Variants in SNX29 observed in about 807,000 individuals in gnomAD.
SNX29 encodes the protein sorting nexin-29.
Under a neutral mutation model 102.1 loss-of-function variants are expected in SNX29, and 78 were observed. That is an observed-to-expected ratio of 0.76 (90% CI 0.64 to 0.92). The LOEUF is 0.92. Among genes scored for constraint, SNX29 ranks in the 40% least tolerant of loss-of-function variants. The pLI, the probability that SNX29 is intolerant of heterozygous loss-of-function variation, is 0.00. For missense variants in SNX29, 1,280 were observed against 1,061.7 expected (o/e 1.21, Z -2.86); for synonymous variants, 580 against 414.5 (o/e 1.40, Z -4.85).
intron 18 of SNX29, among the ~76,000 whole-genome samples, chr16:12,462,649 T>C (rs959062660): frequency 4.6e-5 from 7 of 152,242 alleles, no homozygotes; most frequent in Non-Finnish European, 1.0e-4. Flanking sequence ...TCATAAGCAG[T>C]GTCTTAATTC....
At chr16:12,104,567 CAAAT>C (rs1298350073) in intron 11 of SNX29, among the ~76,000 whole-genome samples, 11 of 150,230 alleles carry the variant, frequency 7.3e-5, no homozygotes, top group Non-Finnish European at 4.4e-5. Flanking sequence ...AACAAACAAA[CAAAT>C]AAACAAAAAA....
At position 12,457,529 on chromosome 16, in the gene SNX29, G is replaced by T. The variant is rs1278049712; in HGVS notation, c.2038-20190G>T. 1.3e-5 allele frequency among the ~76,000 whole-genome samples: 2 copies of T among 152,176 alleles called. 1 individual carries two copies. Among genetic ancestry groups the T allele is most frequent in the South Asian group, 4.1e-4 (2 of 4,828 alleles). On this transcript the variant is annotated intron_variant, in intron 18 of 20. Transcript: ENST00000566228. ...CTGAGCTCTTTCTCTACTGCTTCAG[G>T]ACAGGGTGGTCTGGAGGAAGAACAC...
At chr16:12,339,203 A>G (rs1282373502) in intron 15 of SNX29, among the ~76,000 whole-genome samples, 2 of 152,020 alleles carry the variant, frequency 1.3e-5, no homozygotes, top group Non-Finnish European at 2.9e-5. Context: ...CCCCGTCTCT[A>G]CTAAAAATAT....
chr16:12,561,788 G>A (rs913321552), intron 20 of SNX29, among the ~76,000 whole-genome samples: 16 of 152,266 alleles, frequency 1.1e-4, no homozygotes, highest in Non-Finnish European at 1.6e-4. Flanking sequence ...AGGACCACGC[G>A]TGGCCTGGCA....
At chr16:12,257,500 C>CGTCT (rs2078608358) in intron 14 of SNX29, among the ~76,000 whole-genome samples, 1 of 91,318 alleles carries the variant, frequency 1.1e-5, no homozygotes, top group Admixed American at 1.1e-4. Context: ...CTACCACTAG[C>CGTCT]ATCTCTCTCT....
rs189000154 is a variant in SNX29, at chr16:12,146,053, G to C, written c.1595+16295G>C. On this transcript the variant is annotated intron_variant, in intron 13 of 20. Coordinates refer to ENST00000566228, the MANE Select transcript of SNX29 (RefSeq NM_032167.5). ...CTTTTACCCCTACAGCGGTGAGTGA[G>C]AGAGCCTGACCAGCTGTGATTTGTA... Among the ~76,000 whole-genome samples, 11 of 152,358 alleles carry C rather than the reference G, an allele frequency of 7.2e-5. No homozygotes were observed. In the East Asian group the frequency reaches 1.5e-3, roughly 21 times the overall value.
intron 20 of SNX29, among the ~76,000 whole-genome samples, chr16:12,551,072 C>G (rs1197604743): frequency 1.3e-5 from 2 of 152,142 alleles, no homozygotes; most frequent in African/African-American, 2.4e-5. Flanking sequence ...GTGTTTTCAT[C>G]TCCATGTGAT....
intron 18 of SNX29, among the ~76,000 whole-genome samples, chr16:12,465,740 C>T (rs1196218611): frequency 6.6e-6 from 1 of 151,704 alleles, no homozygotes; most frequent in Non-Finnish European, 1.5e-5. Flanking sequence ...TGTGAAATGT[C>T]ATTGGAATTT....
intron 13 of SNX29, among the ~76,000 whole-genome samples, chr16:12,183,994 C>A (rs560483739): frequency 6.6e-6 from 1 of 152,206 alleles, no homozygotes; most frequent in Admixed American, 6.5e-5. Flanking sequence ...CAAAAAATAA[C>A]CATGACAATG....
chr16:12,539,779 A>C (rs1427181189), intron 20 of SNX29, among the ~76,000 whole-genome samples: 1 of 152,232 alleles, frequency 6.6e-6, no homozygotes, highest in African/African-American at 2.4e-5. Flanking sequence ...TTTCCTAATG[A>C]GTAATGATGT....
intron 10 of SNX29, among the ~76,000 whole-genome samples, chr16:12,076,305 T>C (rs2151327775): frequency 1.1e-5 from 1 of 95,140 alleles, no homozygotes; most frequent in Non-Finnish European, 2.2e-5. Context: ...GCTCCTCCCT[T>C]TTTTTTTTTT....
chr16:12,391,780 T>C (rs571242332), intron 16 of SNX29, among the ~76,000 whole-genome samples: 1 of 152,348 alleles, frequency 6.6e-6, no homozygotes, highest in Non-Finnish European at 1.5e-5. Flanking sequence ...TCATGCCATT[T>C]CCTGGTGTTT....
In SNX29 at chr16:12,332,643, C is replaced by T. The variant is rs575664621; in HGVS notation, c.1783-23520C>T. Among the ~76,000 whole-genome samples, 9 of 152,244 alleles carry T rather than the reference C, an allele frequency of 5.9e-5. No homozygotes were observed. In the East Asian group the frequency reaches 1.7e-3, roughly 29 times the overall value. ...TGCTTTTGACGCTCAAGAACCCCGT[C>T]CTTAGGCCCACCTTCCAGGTCCACC... On this transcript the variant is annotated intron_variant, in intron 15 of 20. Transcript: ENST00000566228.
intron 16 of SNX29, among the ~76,000 whole-genome samples, chr16:12,373,399 G>T (rs1419648717): frequency 6.6e-6 from 1 of 152,114 alleles, no homozygotes. Flanking sequence ...CATAGTGCTG[G>T]GATTACAAGT....
At position 12,244,489 on chromosome 16, in the gene SNX29, A is replaced by G. The variant is rs150202886; in HGVS notation, c.1679-33444A>G. Reference sequence around the variant, plus strand: ...CTGGGCATGGTGGTGCATGCCTGTAATCCCAGCTGCTCTGGAGGCTGTGGC... The same window carrying G: ...CTGGGCATGGTGGTGCATGCCTGTAGTCCCAGCTGCTCTGGAGGCTGTGGC... On this transcript the variant is annotated intron_variant, in intron 14 of 20. Transcript: ENST00000566228. Among the ~76,000 whole-genome samples the G allele has an allele frequency of 3.6e-3, 541 of 152,186 alleles. 2 individuals are homozygous for G. Among genetic ancestry groups the G allele is most frequent in the African/African-American group, 0.013 (519 of 41,508 alleles).
intron 18 of SNX29, 37 bp from the exon 19 acceptor site, chr16:12,477,682 G>T: frequency 6.2e-7 from 1 of 1,602,320 alleles, no homozygotes; most frequent in East Asian, 2.2e-5. Context: ...TTATAATAAG[G>T]GTTTAAGAGG....
At chr16:12,458,111 T>C (rs541123767) in intron 18 of SNX29, among the ~76,000 whole-genome samples, 7 of 152,338 alleles carry the variant, frequency 4.6e-5, no homozygotes, top group African/African-American at 1.4e-4. Context: ...ACTGTGCATC[T>C]GTAGATGGAT....
intron 19 of SNX29, among the ~76,000 whole-genome samples, chr16:12,480,610 C>T (rs1174137868): frequency 3.3e-5 from 5 of 152,256 alleles, no homozygotes; most frequent in Middle Eastern, 6.8e-3. Flanking sequence ...TTATTGCGCC[C>T]ACCACATGTT....
At chr16:12,053,753 T>C (rs1034660216) in intron 8 of SNX29, among the ~76,000 whole-genome samples, 5 of 151,928 alleles carry the variant, frequency 3.3e-5, no homozygotes, top group African/African-American at 9.7e-5. Flanking sequence ...GTACTAGTAG[T>C]GTTACCTTAT....
Sources: allele counts gnomAD v4.1 joint callset (sites outside exome capture counted in the v4.1 genomes callset), GRCh38; gene constraint gnomAD v4.1.1; transcripts MANE v1.5; gene names NCBI Gene and HGNC (gene_info 2026-07-23, HGNC 2026-07-21).